Variants in PIP5KL1 observed in about 807,000 individuals in gnomAD.
PIP5KL1 encodes the protein phosphatidylinositol 4-phosphate 5-kinase-like protein 1.
Under a neutral mutation model 47.6 loss-of-function variants are expected in PIP5KL1, and 45 were observed. The observed-to-expected ratio is 0.94, with a 90% CI of 0.74 to 1.21. The LOEUF (loss-of-function observed/expected upper bound fraction) is 1.21, where lower values mean the gene tolerates loss of function less well. PIP5KL1 is among the 50% of genes most tolerant of loss of function. The probability of loss-of-function intolerance (pLI) is 0.00; values close to 1 mark genes in which losing one functional copy is unlikely to be tolerated. For synonymous variants in PIP5KL1, 256 were observed against 234.6 expected (o/e 1.09, Z -0.84); for missense variants, 577 against 547.6 (o/e 1.05, Z -0.54).
intron 2 of PIP5KL1, among the ~76,000 whole-genome samples, chr9:127,928,989 A>C (rs1411453001): frequency 6.6e-6 from 1 of 152,220 alleles, no homozygotes; most frequent in Admixed American, 6.5e-5. Context: ...AGGAGGGCCC[A>C]AGTGGCTGAA....
chr9:127,927,447 C>T lies in PIP5KL1; in HGVS notation c.560-116G>A. The T allele has an allele frequency of 6.7e-7, 1 of 1,491,924 alleles. No individual in the cohort carries two copies. The highest frequency in any genetic ancestry group is 8.9e-7 in the Non-Finnish European group (1 of 1,122,410). The allele number at this position is 1,491,924 out of a possible 1,614,324, so 92.4% of individuals were successfully genotyped here. ...TTCTCAAGATCCGCGGCACCTGGAC[C>T]CTTCCTTGGCTGGTCCGGATCCCGA... On this transcript the variant is annotated intron_variant, in intron 5 of 9. Transcript: ENST00000388747. This position sits in a 1 kb window ranked among gnomAD's most constrained non-coding sequence, Gnocchi z 5.5.
chr9:127,924,347 G>C (rs777858283), intron 9 of PIP5KL1, among the ~76,000 whole-genome samples: 2 of 152,002 alleles, frequency 1.3e-5, no homozygotes, highest in African/African-American at 4.8e-5. Flanking sequence ...AAAATTAGCC[G>C]GGCATGCTGG....
chr9:127,926,032 T>G, intron 7 of PIP5KL1, 53 bp from the exon 8 acceptor site: 1 of 1,355,058 alleles, frequency 7.4e-7, no homozygotes, highest in Non-Finnish European at 1.0e-6. Context: ...ACAGAGAGAA[T>G]CTCACAAGAG....
Position 127,927,746 on chromosome 9 carries a change from G to A in PIP5KL1, c.461C>T (p.Thr154Ile), listed in dbSNP as rs879016660. ...LSHDQRFFLK[T>I]QGRREVQALL... ...AGCCTGCACCTCTCGGCGCCCCTGGGTCTTCAGGAAGAAGCGCTGGTCGTG... is the reference window on the plus strand; with the variant it reads ...AGCCTGCACCTCTCGGCGCCCCTGGATCTTCAGGAAGAAGCGCTGGTCGTG... Residue 154 changes from threonine (T) to isoleucine (I), a missense_variant, in exon 5 of 10, where the codon ACC becomes ATC. Coordinates refer to ENST00000388747, the MANE Select transcript of PIP5KL1 (RefSeq NM_001135219.2). This position sits in a 1 kb window ranked among gnomAD's most constrained non-coding sequence, Gnocchi z 5.5. The A allele has an allele frequency of 1.3e-6, 2 of 1,560,034 alleles. No individual in the cohort carries two copies. The highest frequency in any genetic ancestry group is 1.7e-6 in the Non-Finnish European group (2 of 1,153,186).
At chr9:127,924,173 C>G (rs1831326560) in intron 9 of PIP5KL1, among the ~76,000 whole-genome samples, 1 of 152,112 alleles carries the variant, frequency 6.6e-6, no homozygotes. Context: ...TCAAGACCAG[C>G]CTGGTCAACA....
rs750783687 is a variant in PIP5KL1 at position 127,927,303 on chromosome 9, T to C, written c.588A>G (p.Gly196=). ...LGVHSLRVDR[G]KKTYFIVMQS... is the part of the protein sequence containing the mutation. The stretch of plus-strand genomic sequence containing the variant: ...TCGCCTCGGCTTCACCCACCTTCTT[T>C]CCCCGGTCCACCCGCAGACTGTGCA... The change falls in exon 6 of 10, where the codon GGA becomes GGG. Residue 196 remains glycine, a synonymous_variant. Transcript: ENST00000388747. The surrounding 1 kb of genome is among the most constrained non-coding windows in gnomAD (Gnocchi z 5.5). The C allele has an allele frequency of 1.9e-6, 3 of 1,610,928 alleles. No homozygotes were observed. The Admixed American group carries it at 5.0e-5, about 27-fold the overall frequency.
chr9:127,923,280 G>A (rs752072066), intron 9 of PIP5KL1, among the ~76,000 whole-genome samples: 110 of 152,220 alleles, frequency 7.2e-4, no homozygotes, highest in Non-Finnish European at 1.2e-3. Flanking sequence ...AGCCCTGCCC[G>A]GCGCTGGCCA....
At chr9:127,930,697 C>T in intron 1 of PIP5KL1, 26 bp downstream of exon 1, 2 of 1,560,804 alleles carry the variant, frequency 1.3e-6, no homozygotes, top group Non-Finnish European at 8.6e-7. Flanking sequence ...CTTCCCTCTC[C>T]TGTCCTCTCT....
At chr9:127,926,036 A>C in intron 7 of PIP5KL1, 57 bp from the exon 8 acceptor site, 7 of 1,302,920 alleles carry the variant, frequency 5.4e-6, no homozygotes, top group Non-Finnish European at 7.6e-6. Flanking sequence ...AGAGAATCTC[A>C]CAAGAGCTTC....
At chr9:127,922,251 A>C (rs1831293515) in intron 9 of PIP5KL1, 137 bp from the exon 10 acceptor site, 1 of 1,125,528 alleles carries the variant, frequency 8.9e-7, no homozygotes, top group Non-Finnish European at 1.2e-6. Flanking sequence ...TTGTGAAGTC[A>C]GGTAGACTGA....
chr9:127,922,610 C>T (rs1831300303), intron 9 of PIP5KL1, among the ~76,000 whole-genome samples: 1 of 143,366 alleles, frequency 7.0e-6, no homozygotes, highest in African/African-American at 2.6e-5. Context: ...AGGAGAATCG[C>T]TTGAACCCGG....
In PIP5KL1 at chr9:127,923,604, C is replaced by T. The variant is rs117815515; in HGVS notation, c.918-1490G>A. Among the ~76,000 whole-genome samples, 319 of 152,342 alleles carry T rather than the reference C, an allele frequency of 2.1e-3. 2 individuals are homozygous for T. The highest frequency in any genetic ancestry group is 4.8e-3 in the South Asian group (23 of 4,832). On this transcript the variant is annotated intron_variant, in intron 9 of 9. Coordinates refer to ENST00000388747, the MANE Select transcript of PIP5KL1 (RefSeq NM_001135219.2). Reference sequence around the variant, plus strand: ...CAGGCTTGCCACCATCCGGTCAGGACGTGTCCAGCCCAGCCAAAGGCCAGT... The same window carrying T: ...CAGGCTTGCCACCATCCGGTCAGGATGTGTCCAGCCCAGCCAAAGGCCAGT...
rs75723993 is a variant in PIP5KL1, at chr9:127,929,203, G to T, written c.228+485C>A. ...GGTCTGTGGAATGTGGTCCCACTGC[G>T]CACACATGCACACACACGAACACCA... On this transcript the variant is annotated intron_variant, in intron 2 of 9. Coordinates refer to ENST00000388747, the MANE Select transcript of PIP5KL1 (RefSeq NM_001135219.2). The surrounding 1 kb of genome is among the most constrained non-coding windows in gnomAD (Gnocchi z 4.0). 6.6e-6 allele frequency among the ~76,000 whole-genome samples: 1 copy of T among 152,084 alleles called. No homozygotes were observed. The highest frequency in any genetic ancestry group is 1.5e-5 in the Non-Finnish European group (1 of 68,012).
chr9:127,927,650 A>C lies in PIP5KL1; in HGVS notation c.557T>G (p.Leu186Arg). The C allele has an allele frequency of 4.8e-6, 7 of 1,453,480 alleles. No homozygotes were observed. The highest frequency in any genetic ancestry group is 6.4e-6 in the Non-Finnish European group (7 of 1,101,174). The allele number at this position is 1,453,480 out of a possible 1,614,324, so 90.0% of individuals were successfully genotyped here. A position where few individuals can be genotyped will look rare whatever the true frequency, so the allele number is the denominator to read the frequency against. Residue 186 changes from leucine to arginine, a missense_variant and splice_region_variant, in exon 5 of 10, where the codon CTG becomes CGG. By Grantham distance (102) the Leu-to-Arg change is moderately radical. Coordinates refer to ENST00000388747, the MANE Select transcript of PIP5KL1 (RefSeq NM_001135219.2). The surrounding 1 kb of genome is among the most constrained non-coding windows in gnomAD (Gnocchi z 5.5). ...RHPHSLLARLLGVHSLRVDRG... is the reference protein window; with the variant it reads ...RHPHSLLARLRGVHSLRVDRG... ...GAGCCCCGCCCCCAGCCAAGTACCCAGCAACCGCGCCAGCAGCGAGTGCGG... is the reference window on the plus strand; with the variant it reads ...GAGCCCCGCCCCCAGCCAAGTACCCCGCAACCGCGCCAGCAGCGAGTGCGG...
At chr9:127,926,653 A>G (rs1831366586) in intron 7 of PIP5KL1, among the ~76,000 whole-genome samples, 2 of 152,262 alleles carry the variant, frequency 1.3e-5, no homozygotes, top group Admixed American at 1.3e-4. Flanking sequence ...CCCAGGCTTG[A>G]GCCCTGCCTG....
intron 7 of PIP5KL1, among the ~76,000 whole-genome samples, chr9:127,926,387 G>C (rs1264253515): frequency 3.3e-5 from 5 of 151,994 alleles, no homozygotes; most frequent in Admixed American, 2.0e-4. Context: ...CTCCCAAGTA[G>C]CTGGGACTAC....
Position 127,927,931 on chromosome 9 carries a change from C to T in PIP5KL1, c.434+134G>A. On this transcript the variant is annotated intron_variant, in intron 4 of 9. Coordinates refer to ENST00000388747, the MANE Select transcript of PIP5KL1 (RefSeq NM_001135219.2). The surrounding 1 kb of genome is among the most constrained non-coding windows in gnomAD (Gnocchi z 5.5). The stretch of plus-strand genomic sequence containing the variant: ...CTCCTCTCCTCCCCGATCTGTCCAC[C>T]ATCCGGCCCTGACCCTCCCAGATTA... 1.4e-6 allele frequency: 2 copies of T among 1,453,662 alleles called. No homozygotes were observed. The highest frequency in any genetic ancestry group is 1.4e-5 in the South Asian group (1 of 73,854). 90.0% of individuals were successfully genotyped at this position (1,453,662 alleles called of 1,614,324 possible).
Position 127,921,973 on chromosome 9 carries a change from G to A in PIP5KL1, c.1059C>T (p.Tyr353=), listed in dbSNP as rs1564136129. ...FLGVVDLATV[Y]GLRKRLEHLW... ...GGTGCTCCAGCCGCTTGCGGAGCCC[G>A]TAGACTGTGGCGAGATCCACGACGC... Residue 353 remains tyrosine, a synonymous_variant, in exon 10 of 10, where the codon TAC becomes TAT. Transcript: ENST00000388747. 3.2e-6 allele frequency: 5 copies of A among 1,576,662 alleles called. No homozygotes were observed. Among genetic ancestry groups the A allele is most frequent in the Admixed American group, 1.8e-5 (1 of 55,332 alleles).
At position 127,927,199 on chromosome 9, in the gene PIP5KL1, T is replaced by C; in HGVS notation, c.604A>G (p.Ile202Val). Residue 202 changes from isoleucine to valine, a missense_variant, in exon 7 of 10, where the codon ATC (isoleucine) becomes GTC (valine). Transcript: ENST00000388747. The surrounding 1 kb of genome is among the most constrained non-coding windows in gnomAD (Gnocchi z 5.5). Reference sequence around the variant, plus strand: ...GGGTAGAAGACGCTCTGCATGACGATGAAGTACGTCTGGGGGCCGGGACAG... The same window carrying C: ...GGGTAGAAGACGCTCTGCATGACGACGAAGTACGTCTGGGGGCCGGGACAG... ...RVDRGKKTYFIVMQSVFYPAG... is the reference protein window; with the variant it reads ...RVDRGKKTYFVVMQSVFYPAG... The C allele has an allele frequency of 1.2e-6, 2 of 1,613,208 alleles. No homozygotes were observed. The highest frequency in any genetic ancestry group is 2.2e-5 in the South Asian group (2 of 90,988).
Sources: allele counts gnomAD v4.1 joint callset (sites outside exome capture counted in the v4.1 genomes callset), GRCh38; gene constraint gnomAD v4.1.1; non-coding constraint Gnocchi (gnomAD v3.1); transcripts MANE v1.5; gene names NCBI Gene and HGNC (gene_info 2026-07-23, HGNC 2026-07-21).